FRMD4B: variants seen among roughly 807,000 people sequenced by gnomAD.
FRMD4B encodes the protein FERM domain containing 4B, also known as FERM domain-containing protein 4B.
FRMD4B carries 74 observed loss-of-function variants against 141.5 expected under a neutral mutation model. The observed-to-expected ratio is 0.52, with a 90% CI of 0.43 to 0.63. FRMD4B has a LOEUF of 0.63. Ranked by LOEUF, FRMD4B falls within the 30% of genes least tolerant of loss-of-function variation. The pLI is 0.00. For synonymous variants in FRMD4B, 506 were observed against 467.9 expected, an observed-to-expected ratio of 1.08 and a Z score of -1.05; for missense variants, 1,366 against 1,253.4, an observed-to-expected ratio of 1.09 and a Z score of -1.36.
intron 21 of FRMD4B, 128 bp from the exon 22 acceptor site, chr3:69,176,784 G>A (rs1184583138): frequency 1.6e-6 from 1 of 637,180 alleles, no homozygotes; most frequent in South Asian, 2.0e-5. Context: ...TGAAATAACA[G>A]AGTTCCTATT....
chr3:69,477,209 C>A (rs1258424025), intron 1 of FRMD4B, among the ~76,000 whole-genome samples: 1 of 152,012 alleles, frequency 6.6e-6, no homozygotes, highest in Non-Finnish European at 1.5e-5. Flanking sequence ...CTTCTCCTGC[C>A]TGATTTCTCT....
chr3:69,530,346 C>T lies in FRMD4B; in HGVS notation c.-129+11860G>A, dbSNP rs74658527. On this transcript the variant is annotated intron_variant, in intron 1 of 5. Transcript: ENST00000459638. Reference sequence around the variant, plus strand: ...GCCTTCACTCAAAGGTGAATGAGTTCTCACTCTATTGGTTTTCACAAGAGC... The same window carrying T: ...GCCTTCACTCAAAGGTGAATGAGTTTTCACTCTATTGGTTTTCACAAGAGC... Among the ~76,000 whole-genome samples the T allele has an allele frequency of 5.3e-3, 806 of 152,300 alleles. 41 individuals are homozygous for T. The East Asian group carries it at 0.12, about 23-fold the overall frequency.
At chr3:69,279,693 TCCTCCTTCTCCTCTTCCCCTCCTCCTCC>T in intron 5 of FRMD4B, among the ~76,000 whole-genome samples, 1 of 29,020 alleles carries the variant, frequency 3.4e-5, no homozygotes, top group African/African-American at 1.0e-4. Flanking sequence ...CCTCCTCCCC[TCCTCCTTCTCCTCTTCCCCTCCTCCTCC>T]CCTCCTCCTT....
At chr3:69,517,195 C>G (rs1410246947) in intron 1 of FRMD4B, among the ~76,000 whole-genome samples, 1 of 152,110 alleles carries the variant, frequency 6.6e-6, no homozygotes, top group African/African-American at 2.4e-5. Flanking sequence ...TCCATTGACA[C>G]CAAAGTTTAT....
chr3:69,340,694 G>C (rs148065510), intron 1 of FRMD4B, among the ~76,000 whole-genome samples: 3 of 152,280 alleles, frequency 2.0e-5, no homozygotes, highest in African/African-American at 4.8e-5. Flanking sequence ...AGGTTTAGAT[G>C]AGCTGATGTA....
chr3:69,386,569 GAGAGA>G (rs1172483909), upstream of FRMD4B, among the ~76,000 whole-genome samples: 1 of 88,584 alleles, frequency 1.1e-5, no homozygotes, highest in African/African-American at 3.6e-5. Flanking sequence ...AGAAGAGAGA[GAGAGA>G]AAAAAAAAAA....
chr3:69,242,526 A>T (rs2093393245), intron 7 of FRMD4B, among the ~76,000 whole-genome samples: 2 of 85,626 alleles, frequency 2.3e-5, no homozygotes, highest in Non-Finnish European at 2.1e-5. Context: ...TTTTTTTTGT[A>T]GCACAGCTGT....
chr3:69,456,001 A>T (rs751865588), intron 1 of FRMD4B, among the ~76,000 whole-genome samples: 1 of 152,156 alleles, frequency 6.6e-6, no homozygotes, highest in Non-Finnish European at 1.5e-5. Context: ...GGCTTAATTC[A>T]GATTATGCAC....
chr3:69,257,023 C>T (rs78134287), intron 5 of FRMD4B, among the ~76,000 whole-genome samples: 2,089 of 152,224 alleles, frequency 0.014, 48 homozygotes, highest in African/African-American at 0.048. Context: ...GCATCCCTGG[C>T]CTCTACTCAC....
intron 1 of FRMD4B, among the ~76,000 whole-genome samples, chr3:69,482,972 G>C (rs1035111818): frequency 6.6e-6 from 1 of 152,242 alleles, no homozygotes; most frequent in Non-Finnish European, 1.5e-5. Context: ...GACCTAGATA[G>C]AACTGAGTAA....
At position 69,454,978 on chromosome 3, in the gene FRMD4B, C is replaced by T. The variant is rs191651993; in HGVS notation, c.-128-22217G>A. ...AGCATTCTGTGTCTAGCTTGGAGTT[C>T]GTGGGTACAACACTCAGCACTCTAA... On this transcript the variant is annotated intron_variant, in intron 1 of 5. Transcript: ENST00000459638. Among the ~76,000 whole-genome samples the T allele has an allele frequency of 3.1e-3, 474 of 152,272 alleles. 3 individuals carry two copies. The highest frequency in any genetic ancestry group is 5.6e-3 in the Non-Finnish European group (381 of 68,026).
chr3:69,253,863 G>A (rs1452946654), intron 5 of FRMD4B, among the ~76,000 whole-genome samples: 1 of 152,156 alleles, frequency 6.6e-6, no homozygotes, highest in African/African-American at 2.4e-5. Flanking sequence ...TGAGGTGGGG[G>A]CACTGCTTGA....
At chr3:69,540,137 G>A (rs1338300178) in intron 1 of FRMD4B, among the ~76,000 whole-genome samples, 1 of 151,784 alleles carries the variant, frequency 6.6e-6, no homozygotes. Context: ...AGGTTGCGGT[G>A]AGCCGCGATC....
At chr3:69,469,065 T>C (rs1705842372) in intron 1 of FRMD4B, among the ~76,000 whole-genome samples, 2 of 152,176 alleles carry the variant, frequency 1.3e-5, no homozygotes, top group Admixed American at 6.6e-5. Context: ...GCAGAGGTGT[T>C]CCTACCAAAT....
At chr3:69,503,543 G>A in intron 1 of FRMD4B, among the ~76,000 whole-genome samples, 1 of 103,248 alleles carries the variant, frequency 9.7e-6, no homozygotes, top group Non-Finnish European at 1.8e-5. Context: ...TGTGGGGTGG[G>A]GGGAGGGGGG....
chr3:69,509,309 C>A (rs1706651365), intron 1 of FRMD4B, among the ~76,000 whole-genome samples: 1 of 152,190 alleles, frequency 6.6e-6, no homozygotes. Context: ...GTTGAACGGG[C>A]AAGTCTGTTG....
At chr3:69,389,452 A>C (rs189883239), upstream of FRMD4B, among the ~76,000 whole-genome samples, 296 of 152,284 alleles carry the variant, frequency 1.9e-3, no homozygotes, top group Non-Finnish European at 3.3e-3. Context: ...GTTTGTGGCA[A>C]CTTGTTTTCA....
chr3:69,453,625 A>G (rs186754707), intron 1 of FRMD4B, among the ~76,000 whole-genome samples: 156 of 152,328 alleles, frequency 1.0e-3, no homozygotes, highest in African/African-American at 3.5e-3. Flanking sequence ...TATTCCCAGT[A>G]GAAAACCAAT....
In FRMD4B at chr3:69,249,539, T is replaced by G. The variant is rs530365760; in HGVS notation, c.559-291A>C. Among the ~76,000 whole-genome samples the G allele has an allele frequency of 9.2e-5, 14 of 152,350 alleles. No individual in the cohort carries two copies. The South Asian group carries it at 2.9e-3, about 32-fold the overall frequency. Reference sequence around the variant, plus strand: ...AAGATCACATGATAAATGCTTTTCATTCAAGTGGCACACTTTTTAGACTGG... The same window carrying G: ...AAGATCACATGATAAATGCTTTTCAGTCAAGTGGCACACTTTTTAGACTGG... On this transcript the variant is annotated intron_variant, in intron 6 of 22. Coordinates refer to ENST00000398540, the MANE Select transcript of FRMD4B (RefSeq NM_015123.3).
Sources: allele counts gnomAD v4.1 joint callset (sites outside exome capture counted in the v4.1 genomes callset), GRCh38; gene constraint gnomAD v4.1.1; transcripts MANE v1.5; gene names NCBI Gene and HGNC (gene_info 2026-07-23, HGNC 2026-07-21).